ARHGAP1: variants seen among roughly 807,000 people sequenced by gnomAD.
ARHGAP1 encodes Rho GTPase activating protein 1.
In ARHGAP1, 23 loss-of-function variants were observed where a neutral mutation model predicts 52.2. The ratio of observed to expected loss-of-function variants is 0.44; its 90% CI spans 0.32 to 0.62. The LOEUF (loss-of-function observed/expected upper bound fraction) is 0.62, where lower values mean the gene tolerates loss of function less well. Among genes scored for constraint, ARHGAP1 ranks in the 20% least tolerant of loss-of-function variants. The pLI, the probability that ARHGAP1 is intolerant of heterozygous loss-of-function variation, is 0.05. For missense variants in ARHGAP1, 480 were observed against 560.9 expected, an observed-to-expected ratio of 0.86 and a Z score of 1.46; for synonymous variants, 210 against 228.4, an observed-to-expected ratio of 0.92 and a Z score of 0.73.
intron 4 of ARHGAP1, 112 bp downstream of exon 4, chr11:46,688,061 T>A (rs1246922455): frequency 9.8e-7 from 1 of 1,016,354 alleles, no homozygotes; most frequent in Admixed American, 2.2e-5. Context: ...AGGGAAGGCA[T>A]TAAGGCAGGT....
intron 3 of ARHGAP1, among the ~76,000 whole-genome samples, chr11:46,689,846 C>T (rs542129299): frequency 1.3e-5 from 2 of 152,302 alleles, no homozygotes; most frequent in East Asian, 3.9e-4. Flanking sequence ...GCTCTTACCT[C>T]AATTTTTAAA....
intron 3 of ARHGAP1, among the ~76,000 whole-genome samples, chr11:46,689,307 A>G (rs1035939116): frequency 5.9e-5 from 9 of 152,166 alleles, no homozygotes; most frequent in Admixed American, 4.6e-4. Flanking sequence ...ATGTCTAGAT[A>G]GGTACATGCA....
chr11:46,699,297 G>C (rs1417059289), intron 1 of ARHGAP1, among the ~76,000 whole-genome samples: 1 of 152,188 alleles, frequency 6.6e-6, no homozygotes, highest in Non-Finnish European at 1.5e-5. Flanking sequence ...CCTAAGTAAA[G>C]AAGGGAACCC....
Position 46,679,414 on chromosome 11 carries a change from G to A in ARHGAP1, c.1082C>T (p.Pro361Leu). 6 of 1,614,170 alleles carry A rather than the reference G, an allele frequency of 3.7e-6. No homozygotes were observed. The highest frequency in any genetic ancestry group is 5.1e-6 in the Non-Finnish European group (6 of 1,180,018). Residue 361 changes from proline to leucine, a missense_variant, in exon 12 of 13, where the codon CCC becomes CTC. Coordinates refer to ENST00000311956, the MANE Select transcript of ARHGAP1 (RefSeq NM_004308.5). This position sits in a 1 kb window ranked among gnomAD's most constrained non-coding sequence, Gnocchi z 4.4. ...ACGAAGCACCTGGTAGTTCTCCTCGGGCAGCGTCTGGAGGACCTGCAGTGT... is the reference window on the plus strand; with the variant it reads ...ACGAAGCACCTGGTAGTTCTCCTCGAGCAGCGTCTGGAGGACCTGCAGTGT... The part of the protein sequence containing the change: ...PATLQVLQTL[P>L]EENYQVLRFL...
At chr11:46,698,824 T>C (rs562544838) in intron 1 of ARHGAP1, among the ~76,000 whole-genome samples, 1 of 152,244 alleles carries the variant, frequency 6.6e-6, no homozygotes, top group East Asian at 1.9e-4. Context: ...CCAGTCAGAC[T>C]GGCCCCTCCC....
At position 46,680,547 on chromosome 11, in the gene ARHGAP1, G is replaced by A; in HGVS notation, c.760C>T (p.Pro254Ser). 1 of 1,614,106 alleles carries A rather than the reference G, an allele frequency of 6.2e-7. No individual in the cohort carries two copies. Among genetic ancestry groups the A allele is most frequent in the Non-Finnish European group, 8.5e-7 (1 of 1,180,000 alleles). ...VSLQHLQEKNPEQEPIPIVLR... is the reference protein window; with the variant it reads ...VSLQHLQEKNSEQEPIPIVLR... Reference sequence around the variant, plus strand: ...ACAATGGGAATGGGCTCCTGCTCTGGATTCTTCTCCTGGAGGCTGCGGGAA... The same window carrying A: ...ACAATGGGAATGGGCTCCTGCTCTGAATTCTTCTCCTGGAGGCTGCGGGAA... The change falls in exon 9 of 13, where the codon CCA becomes TCA. Residue 254 changes from proline to serine, a missense_variant. Physicochemically the swap from Pro to Ser is moderately conservative, Grantham distance 74 (BLOSUM62 -1). Transcript: ENST00000311956. The surrounding 1 kb of genome is among the most constrained non-coding windows in gnomAD (Gnocchi z 5.9).
rs2064591477 is a variant in ARHGAP1, at chr11:46,688,914, T to C, written c.230-654A>G. Reference sequence around the variant, plus strand: ...GCCTGGCCAACATGGTGAAAACCCATCTCTACCAAAAATACAAAAATTAGC... The same window carrying C: ...GCCTGGCCAACATGGTGAAAACCCACCTCTACCAAAAATACAAAAATTAGC... On this transcript the variant is annotated intron_variant, in intron 3 of 12. Coordinates refer to ENST00000311956, the MANE Select transcript of ARHGAP1 (RefSeq NM_004308.5). Among the ~76,000 whole-genome samples the C allele has an allele frequency of 2.0e-5, 3 of 151,696 alleles. No homozygotes were observed. In the South Asian group the frequency reaches 6.2e-4, roughly 32 times the overall value.
At chr11:46,694,215 G>A (rs1272279609) in intron 3 of ARHGAP1, among the ~76,000 whole-genome samples, 2 of 152,038 alleles carry the variant, frequency 1.3e-5, no homozygotes, top group Non-Finnish European at 2.9e-5. Flanking sequence ...TCCCTTTGGG[G>A]CCTGGGTGTG....
At position 46,679,337 on chromosome 11, in the gene ARHGAP1, A is replaced by G; in HGVS notation, c.1131+28T>C. The stretch of plus-strand genomic sequence containing the variant: ...GCAGCTCCTCCTTCCCCCTCCCTTC[A>G]CCCCAGAGGCCAAGTCCAAGGTCTC... On this transcript the variant is annotated intron_variant, in intron 12 of 12. Coordinates refer to ENST00000311956, the MANE Select transcript of ARHGAP1 (RefSeq NM_004308.5). This position sits in a 1 kb window ranked among gnomAD's most constrained non-coding sequence, Gnocchi z 4.4. 1 of 1,610,282 alleles carries G rather than the reference A, an allele frequency of 6.2e-7. No homozygotes were observed. The highest frequency in any genetic ancestry group is 2.2e-5 in the East Asian group (1 of 44,828).
At chr11:46,685,334 T>TC in intron 4 of ARHGAP1, among the ~76,000 whole-genome samples, 1 of 151,498 alleles carries the variant, frequency 6.6e-6, no homozygotes, top group East Asian at 1.9e-4. Context: ...ATATTCTTTT[T>TC]TTTTTTTTTT....
intron 3 of ARHGAP1, 90 bp downstream of exon 3, chr11:46,695,570 G>T: frequency 7.4e-7 from 1 of 1,349,962 alleles, no homozygotes; most frequent in Non-Finnish European, 1.0e-6. Context: ...CGGTCAGACT[G>T]CAGAGAGGCC....
rs1217731548 is a variant in ARHGAP1 at position 46,696,403 on chromosome 11, C to T, written c.-49-247G>A. Among the ~76,000 whole-genome samples, 1 of 152,202 alleles carries T rather than the reference C, an allele frequency of 6.6e-6. No homozygotes were observed. Among genetic ancestry groups the T allele is most frequent in the Non-Finnish European group, 1.5e-5 (1 of 68,038 alleles). ...ACAGCTCAGCGCCTCCCTCCAGGCC[C>T]TGCAGCTGGGGAGGGAAGAGCTGTG... On this transcript the variant is annotated intron_variant, in intron 1 of 12. Coordinates refer to ENST00000311956, the MANE Select transcript of ARHGAP1 (RefSeq NM_004308.5). This position sits in a 1 kb window ranked among gnomAD's most constrained non-coding sequence, Gnocchi z 4.8.
Position 46,678,460 on chromosome 11 carries a change from C to G in ARHGAP1, c.*577G>C, listed in dbSNP as rs1017703522. On this transcript the variant is annotated 3_prime_UTR_variant, in exon 13 of 13. Coordinates refer to ENST00000311956, the MANE Select transcript of ARHGAP1 (RefSeq NM_004308.5). Reference sequence around the variant, plus strand: ...GCAGAAAGCAGACACAGTCTCCAGCCCTGTCACTCCTCAGCAGGGGAAATA... The same window carrying G: ...GCAGAAAGCAGACACAGTCTCCAGCGCTGTCACTCCTCAGCAGGGGAAATA... The G allele has an allele frequency of 1.2e-5, 2 of 165,894 alleles. No homozygotes were observed. Among genetic ancestry groups the G allele is most frequent in the Admixed American group, 1.1e-4 (2 of 17,702 alleles). 10.3% of individuals were successfully genotyped at this position (165,894 alleles called of 1,614,324 possible). A position where few individuals can be genotyped will look rare whatever the true frequency, so the allele number is the denominator to read the frequency against.
In ARHGAP1 at chr11:46,682,157, A is replaced by G. The variant is rs1328870712; in HGVS notation, c.343T>C (p.Tyr115His). Residue 115 changes from tyrosine to histidine, a missense_variant, in exon 5 of 13, where the codon TAC becomes CAC. Transcript: ENST00000311956. ...LGYLKHTLDQ[Y>H]VESDYTLLYL... ...AGAAGTGTGTAGTCACTCTCCACGT[A>G]CTGGTCCAGGGTGTGCTTCAGGTAC... 6.2e-7 allele frequency: 1 copy of G among 1,613,974 alleles called. No homozygotes were observed.
rs955080794 is a variant in ARHGAP1, at chr11:46,681,645, G to A, written c.450-266C>T. 1 of 422,714 alleles carries A rather than the reference G, an allele frequency of 2.4e-6. No individual in the cohort carries two copies. The highest frequency in any genetic ancestry group is 4.4e-6 in the Non-Finnish European group (1 of 227,896). The allele number at this position is 422,714 out of a possible 1,614,324, so 26.2% of individuals were successfully genotyped here. On this transcript the variant is annotated intron_variant, in intron 5 of 12. Coordinates refer to ENST00000311956, the MANE Select transcript of ARHGAP1 (RefSeq NM_004308.5). The surrounding 1 kb of genome is among the most constrained non-coding windows in gnomAD (Gnocchi z 5.7). ...GACAGGGTTTCACCATGTTGGCCAGGCTGGTCTGGAACTCCTGACCTCAAG... is the reference window on the plus strand; with the variant it reads ...GACAGGGTTTCACCATGTTGGCCAGACTGGTCTGGAACTCCTGACCTCAAG...
intron 4 of ARHGAP1, chr11:46,687,140 G>A (rs1260067692): frequency 6.6e-6 from 1 of 152,330 alleles, no homozygotes; most frequent in African/African-American, 2.4e-5. Context: ...TAGAGAAAAG[G>A]CCATGTGCCT....
Position 46,681,023 on chromosome 11 carries a change from C to T in ARHGAP1, c.623G>A (p.Arg208His), listed in dbSNP as rs1273718730. The T allele has an allele frequency of 2.5e-6, 4 of 1,613,912 alleles. No individual in the cohort carries two copies. The highest frequency in any genetic ancestry group is 2.2e-5 in the East Asian group (1 of 44,884). The change falls in exon 7 of 13, where the codon CGC (arginine) becomes CAC (histidine). Residue 208 changes from arginine (R) to histidine (H), a missense_variant. Physicochemically the swap from Arg to His is conservative, Grantham distance 29. Coordinates refer to ENST00000311956, the MANE Select transcript of ARHGAP1 (RefSeq NM_004308.5). The surrounding 1 kb of genome is among the most constrained non-coding windows in gnomAD (Gnocchi z 5.7). ...HVKLEQLGIP[R>H]QVLKYDDFLK... Reference sequence around the variant, plus strand: ...GCACCCGCCTCACTTGAGCACTTGGCGAGGGATCCCCAGCTGCTCCAGCTT... The same window carrying T: ...GCACCCGCCTCACTTGAGCACTTGGTGAGGGATCCCCAGCTGCTCCAGCTT...
intron 4 of ARHGAP1, among the ~76,000 whole-genome samples, chr11:46,686,465 C>T (rs2064569225): frequency 6.6e-6 from 1 of 152,106 alleles, no homozygotes; most frequent in Non-Finnish European, 1.5e-5. Flanking sequence ...GTCGCCCAGG[C>T]TGGAGTGCAG....
intron 4 of ARHGAP1, 90 bp downstream of exon 4, chr11:46,688,083 C>G (rs927007775): frequency 3.8e-6 from 5 of 1,330,732 alleles, no homozygotes; most frequent in Admixed American, 2.0e-5. Flanking sequence ...GCCTAGCACC[C>G]ACAGGCAGGG....
Sources: gnomAD v4.1 joint callset for allele counts (sites outside exome capture counted in the v4.1 genomes callset) on GRCh38, gnomAD v4.1.1 for gene constraint, Gnocchi (gnomAD v3.1) non-coding constraint, MANE v1.5 for transcripts, NCBI Gene and HGNC (gene_info 2026-07-23, HGNC 2026-07-21) for gene names.